The following ADAMTS6 variants were observed in gnomAD, a reference collection of about 807,000 sequenced individuals.
The protein encoded by ADAMTS6 is ADAM metallopeptidase with thrombospondin type 1 motif 6, also known as A disintegrin and metalloproteinase with thrombospondin motifs 6.
A neutral mutation model predicts 144.3 loss-of-function variants in ADAMTS6; 23 were observed. The observed-to-expected ratio is 0.16, with a 90% CI of 0.11 to 0.23. The LOEUF is 0.23. ADAMTS6 is among the 10% of genes least tolerant of loss of function. The probability of loss-of-function intolerance (pLI) is 1.00; values close to 1 mark genes in which losing one functional copy is unlikely to be tolerated. For missense variants in ADAMTS6, 999 were observed against 1,379.6 expected (o/e 0.72, Z 4.37); for synonymous variants, 444 against 457.5 (o/e 0.97, Z 0.38).
intron 7 of ADAMTS6, chr5:65,451,179 G>T: frequency 9.2e-6 from 2 of 217,304 alleles, no homozygotes; most frequent in South Asian, 1.2e-4. Context: ...TATTTTGTTC[G>T]GTTAACAAAT....
chr5:65,314,454 A>G (rs938231444), intron 9 of ADAMTS6, among the ~76,000 whole-genome samples: 18 of 152,134 alleles, frequency 1.2e-4, no homozygotes, highest in Non-Finnish European at 2.6e-4. Flanking sequence ...AGGAGAAGAA[A>G]AAGAGAAGGG....
chr5:65,270,347 T>C (rs553935258), intron 12 of ADAMTS6, among the ~76,000 whole-genome samples: 13 of 152,280 alleles, frequency 8.5e-5, no homozygotes, highest in Middle Eastern at 3.4e-3. Context: ...TCTTCCTTCT[T>C]AAGGAGAAAA....
chr5:65,317,918 A>C (rs970780237), intron 9 of ADAMTS6, among the ~76,000 whole-genome samples: 7 of 151,348 alleles, frequency 4.6e-5, no homozygotes, highest in Admixed American at 3.3e-4. Flanking sequence ...CTAAAAATAC[A>C]AAAAAAATTA....
At chr5:65,161,191 C>G (rs182053526) in intron 24 of ADAMTS6, among the ~76,000 whole-genome samples, 143 of 152,162 alleles carry the variant, frequency 9.4e-4, no homozygotes, top group Admixed American at 3.2e-3. Context: ...ATGCGTGCCA[C>G]CATACCCAGC....
intron 9 of ADAMTS6, among the ~76,000 whole-genome samples, chr5:65,315,387 T>C (rs1744889113): frequency 6.6e-6 from 1 of 151,828 alleles, no homozygotes; most frequent in Non-Finnish European, 1.5e-5. Context: ...AGAGATAAAA[T>C]GGAATCATAA....
At chr5:65,210,470 A>AG (rs57712750) in intron 20 of ADAMTS6, 2 of 211,380 alleles carry the variant, frequency 9.5e-6, no homozygotes, top group African/African-American at 4.9e-5. Flanking sequence ...AAAAAAAAAA[A>AG]GATCTATGAA....
chr5:65,173,056 G>A, intron 22 of ADAMTS6, 48 bp from the exon 23 acceptor site: 2 of 1,564,006 alleles, frequency 1.3e-6, no homozygotes, highest in Non-Finnish European at 8.7e-7. Flanking sequence ...TAAAGACAGA[G>A]GAAAATTTGA....
chr5:65,364,058 G>C (rs557090236), intron 7 of ADAMTS6, among the ~76,000 whole-genome samples: 5 of 152,264 alleles, frequency 3.3e-5, no homozygotes, highest in Non-Finnish European at 7.4e-5. Context: ...ATGAAGATTT[G>C]ATAAGGACTC....
At chr5:65,337,389 G>A (rs1433020926) in intron 7 of ADAMTS6, among the ~76,000 whole-genome samples, 1 of 151,294 alleles carries the variant, frequency 6.6e-6, no homozygotes, top group Non-Finnish European at 1.5e-5. Flanking sequence ...TTTCTTTTTT[G>A]TGGGATATTT....
At chr5:65,346,964 A>AC (rs1234828464) in intron 7 of ADAMTS6, among the ~76,000 whole-genome samples, 1 of 151,836 alleles carries the variant, frequency 6.6e-6, no homozygotes, top group African/African-American at 2.4e-5. Context: ...TAAAAAAAAA[A>AC]ACCTTAGGAA....
chr5:65,338,921 C>T (rs1387921902), intron 7 of ADAMTS6, among the ~76,000 whole-genome samples: 1 of 152,004 alleles, frequency 6.6e-6, no homozygotes, highest in African/African-American at 2.4e-5. Flanking sequence ...GAGAAATAGC[C>T]CTGTGGGCCA....
chr5:65,347,278 G>A (rs1352185736), intron 7 of ADAMTS6, among the ~76,000 whole-genome samples: 3 of 151,548 alleles, frequency 2.0e-5, no homozygotes, highest in Non-Finnish European at 4.4e-5. Context: ...TGGAGGAATT[G>A]AACTACCACA....
chr5:65,171,693 G>A (rs915761691), intron 23 of ADAMTS6, among the ~76,000 whole-genome samples: 9 of 152,040 alleles, frequency 5.9e-5, no homozygotes, highest in Non-Finnish European at 8.8e-5. Flanking sequence ...GTGGAGCCTG[G>A]TGATGGGGTC....
At chr5:65,445,112 G>C (rs535801772) in intron 7 of ADAMTS6, among the ~76,000 whole-genome samples, 11 of 152,142 alleles carry the variant, frequency 7.2e-5, no homozygotes, top group African/African-American at 2.4e-4. Flanking sequence ...GTTTAATGAC[G>C]CCTACTACAA....
At chr5:65,329,274 A>T in intron 9 of ADAMTS6, 104 bp downstream of exon 9, 1 of 953,386 alleles carries the variant, frequency 1.0e-6, no homozygotes, top group Non-Finnish European at 1.6e-6. Flanking sequence ...AATCAGACAA[A>T]AAGGTAGTAA....
At chr5:65,380,430 G>C (rs1246331927) in intron 7 of ADAMTS6, among the ~76,000 whole-genome samples, 1 of 151,974 alleles carries the variant, frequency 6.6e-6, no homozygotes, top group Non-Finnish European at 1.5e-5. Flanking sequence ...ACAAAAATTA[G>C]CAGGGTGTGG....
At chr5:65,470,274 T>C (rs1371955367) in intron 3 of ADAMTS6, among the ~76,000 whole-genome samples, 1 of 152,130 alleles carries the variant, frequency 6.6e-6, no homozygotes, top group African/African-American at 2.4e-5. Flanking sequence ...TTCATATAAA[T>C]GTATAAAAAA....
At chr5:65,280,478 T>C (rs185258125) in intron 11 of ADAMTS6, among the ~76,000 whole-genome samples, 9 of 152,272 alleles carry the variant, frequency 5.9e-5, no homozygotes, top group African/African-American at 2.2e-4. Flanking sequence ...AAAAAGACCT[T>C]TCTTTAGGCC....
intron 18 of ADAMTS6, 85 bp from the exon 19 acceptor site, chr5:65,215,572 A>G: frequency 5.1e-6 from 6 of 1,172,066 alleles, no homozygotes; most frequent in Non-Finnish European, 7.2e-6. Flanking sequence ...TAAAGTATAC[A>G]ATGAATACCG....
Sources: gnomAD v4.1 joint callset for allele counts (sites outside exome capture counted in the v4.1 genomes callset) on GRCh38, gnomAD v4.1.1 for gene constraint, MANE v1.5 for transcripts, NCBI Gene and HGNC (gene_info 2026-07-23, HGNC 2026-07-21) for gene names.